The following MSRA variants were observed in gnomAD, a reference collection of about 807,000 sequenced individuals.
The protein encoded by MSRA is methionine sulfoxide reductase A.
MSRA carries 54 observed loss-of-function variants against 31.3 expected under a neutral mutation model. That is an observed-to-expected ratio of 1.73 (90% CI 1.39 to 2.17). The LOEUF (loss-of-function observed/expected upper bound fraction) is 2.17, where lower values mean the gene tolerates loss of function less well. Ranked by LOEUF, MSRA falls within the 30% of genes most tolerant of loss-of-function variation. MSRA has a pLI of 0.00. For missense variants in MSRA, 507 were observed against 300.9 expected (o/e 1.69, Z -5.07); for synonymous variants, 169 against 116.5 (o/e 1.45, Z -2.90).
chr8:10,369,041 TA>T (rs1448661278), intron 5 of MSRA, among the ~76,000 whole-genome samples: 3 of 152,152 alleles, frequency 2.0e-5, no homozygotes, highest in African/African-American at 7.2e-5. Flanking sequence ...GCTAAAAGAA[TA>T]AGTGTTAGAA....
intron 1 of MSRA, among the ~76,000 whole-genome samples, chr8:10,113,232 A>T (rs1268065667): frequency 1.5e-5 from 2 of 135,542 alleles, no homozygotes; most frequent in African/African-American, 5.3e-5. Context: ...CTTCAGGAGG[A>T]AGCAGAGGGT....
intron 1 of MSRA, among the ~76,000 whole-genome samples, chr8:10,077,501 TTA>T (rs1491544879): frequency 1.4e-5 from 2 of 147,750 alleles, no homozygotes; most frequent in African/African-American, 5.1e-5. Flanking sequence ...TTTTTTTTTT[TTA>T]AATGAGACAG....
At position 10,079,162 on chromosome 8, in the gene MSRA, T is replaced by G. The variant is rs141172933; in HGVS notation, c.142+24504T>G. On this transcript the variant is annotated intron_variant, in intron 1 of 5. Coordinates refer to ENST00000317173, the MANE Select transcript of MSRA (RefSeq NM_012331.5). ...CCTGGCTCAGCATATGATGTGGTAC[T>G]TTTTTCTTTTTTTTTAGGCAGGGTC... Among the ~76,000 whole-genome samples, 164 of 152,028 alleles carry G rather than the reference T, an allele frequency of 1.1e-3. 1 individual carries two copies. Among genetic ancestry groups the G allele is most frequent in the Middle Eastern group, 6.8e-3 (2 of 294 alleles).
chr8:10,113,762 C>A (rs2129014727), intron 1 of MSRA, among the ~76,000 whole-genome samples: 1 of 150,338 alleles, frequency 6.7e-6, no homozygotes, highest in Non-Finnish European at 1.5e-5. Flanking sequence ...CAGGTATTTG[C>A]ATTTTTTTTT....
intron 2 of MSRA, among the ~76,000 whole-genome samples, chr8:10,240,283 A>T (rs766952905): frequency 6.6e-6 from 1 of 152,142 alleles, no homozygotes; most frequent in Non-Finnish European, 1.5e-5. Flanking sequence ...GTTGCTGGCC[A>T]TTTGGACATT....
At chr8:10,092,133 C>A (rs1026297263) in intron 1 of MSRA, among the ~76,000 whole-genome samples, 1 of 152,020 alleles carries the variant, frequency 6.6e-6, no homozygotes, top group African/African-American at 2.4e-5. Context: ...TTTTCCTGTT[C>A]TTTATTTCAT....
intron 5 of MSRA, among the ~76,000 whole-genome samples, chr8:10,409,824 G>C (rs946820396): frequency 6.6e-6 from 1 of 152,254 alleles, no homozygotes; most frequent in African/African-American, 2.4e-5. Flanking sequence ...TACTTTGGAA[G>C]GCTGAGGTGG....
chr8:10,390,535 G>A (rs1475638962), intron 5 of MSRA, among the ~76,000 whole-genome samples: 3 of 152,196 alleles, frequency 2.0e-5, no homozygotes, highest in African/African-American at 7.2e-5. Flanking sequence ...GACAGGATAG[G>A]AAGCAAAATG....
At chr8:10,151,876 A>G (rs188603151) in intron 1 of MSRA, among the ~76,000 whole-genome samples, 10 of 152,354 alleles carry the variant, frequency 6.6e-5, no homozygotes, top group Non-Finnish European at 1.2e-4. Context: ...AGGTCATTTA[A>G]AAGGTTACCT....
At chr8:10,309,218 C>A (rs1403059423) in intron 4 of MSRA, among the ~76,000 whole-genome samples, 2 of 152,210 alleles carry the variant, frequency 1.3e-5, no homozygotes, top group Admixed American at 1.3e-4. Context: ...AGAAGGTGGG[C>A]TTTGTATTAA....
At chr8:10,362,271 G>A (rs1170678011) in intron 5 of MSRA, among the ~76,000 whole-genome samples, 1 of 152,084 alleles carries the variant, frequency 6.6e-6, no homozygotes, top group Non-Finnish European at 1.5e-5. Flanking sequence ...TTACTTAGGA[G>A]CACTCCTGTC....
chr8:10,084,715 G>A (rs910044533), intron 1 of MSRA, among the ~76,000 whole-genome samples: 1 of 152,224 alleles, frequency 6.6e-6, no homozygotes, highest in African/African-American at 2.4e-5. Context: ...AGAAGGAGAA[G>A]CGTTTAGAAC....
At chr8:10,222,708 C>T (rs1479707867) in intron 2 of MSRA, among the ~76,000 whole-genome samples, 1 of 152,172 alleles carries the variant, frequency 6.6e-6, no homozygotes, top group African/African-American at 2.4e-5. Context: ...ACCTGGAGAA[C>T]ATTATGCTAA....
chr8:10,172,641 T>C (rs767767086), intron 1 of MSRA, among the ~76,000 whole-genome samples: 2 of 152,158 alleles, frequency 1.3e-5, no homozygotes, highest in African/African-American at 2.4e-5. Context: ...CCACTTGATA[T>C]TGTAAATACC....
At chr8:10,140,972 T>C (rs1802654043) in intron 1 of MSRA, among the ~76,000 whole-genome samples, 3 of 152,050 alleles carry the variant, frequency 2.0e-5, no homozygotes, top group South Asian at 2.1e-4. Flanking sequence ...AAGATGAATA[T>C]ATGCAAGGCA....
At chr8:10,409,818 T>C (rs1748874315) in intron 5 of MSRA, among the ~76,000 whole-genome samples, 1 of 152,224 alleles carries the variant, frequency 6.6e-6, no homozygotes, top group Non-Finnish European at 1.5e-5. Flanking sequence ...TGTCAGTACT[T>C]TGGAAGGCTG....
chr8:10,344,443 G>A (rs1432230660), intron 5 of MSRA, among the ~76,000 whole-genome samples: 1 of 151,802 alleles, frequency 6.6e-6, no homozygotes. Flanking sequence ...GCGTGGTGGT[G>A]GGCTCCTGAA....
chr8:10,105,545 G>A (rs1235492283), intron 1 of MSRA, among the ~76,000 whole-genome samples: 1 of 152,162 alleles, frequency 6.6e-6, no homozygotes, highest in African/African-American at 2.4e-5. Context: ...ATAGCACACC[G>A]ATAATGTAGG....
intron 1 of MSRA, among the ~76,000 whole-genome samples, chr8:10,171,774 T>TGCTCA: frequency 6.6e-6 from 1 of 152,362 alleles, no homozygotes; most frequent in Non-Finnish European, 1.5e-5. Context: ...TAGTGGAATT[T>TGCTCA]GTACAAAGTA....
Sources: gnomAD v4.1 joint callset for allele counts (sites outside exome capture counted in the v4.1 genomes callset) on GRCh38, gnomAD v4.1.1 for gene constraint, MANE v1.5 for transcripts, NCBI Gene and HGNC (gene_info 2026-07-23, HGNC 2026-07-21) for gene names.